The following PCDH19 variants were observed in gnomAD, a reference collection of about 807,000 sequenced individuals.
The protein encoded by PCDH19 is protocadherin 19.
PCDH19 carries 6 observed loss-of-function variants against 46.2 expected under a neutral mutation model. The observed-to-expected ratio is 0.13, with a 90% CI of 0.07 to 0.26. The LOEUF (loss-of-function observed/expected upper bound fraction) is 0.26. Ranked by LOEUF, PCDH19 falls within the 10% of genes least tolerant of loss-of-function variation. The pLI is 1.00. For missense variants in PCDH19, 740 were observed against 972.3 expected, an observed-to-expected ratio of 0.76 and a Z score of 3.18; for synonymous variants, 481 against 415.7, an observed-to-expected ratio of 1.16 and a Z score of -1.91.
chrX:100,338,592 T>C (rs1926168874), intron 5 of PCDH19, among the ~76,000 whole-genome samples: 1 of 109,489 alleles, frequency 9.1e-6, no homozygotes, highest in African/African-American at 3.3e-5. Flanking sequence ...TTCTCCTTCC[T>C]TCATTAAATA....
intron 5 of PCDH19, among the ~76,000 whole-genome samples, chrX:100,333,657 T>C (rs750446012): frequency 8.9e-6 from 1 of 112,383 alleles, no homozygotes; most frequent in African/African-American, 3.2e-5. Context: ...CTTAAAAATA[T>C]GGAAATTCTT....
chrX:100,357,788 G>A (rs1926761008), intron 3 of PCDH19, among the ~76,000 whole-genome samples: 1 of 112,120 alleles, frequency 8.9e-6, no homozygotes, highest in Non-Finnish European at 1.9e-5. Context: ...CATGTGTAGT[G>A]TGTCAGTTCA....
chrX:100,336,801 T>C (rs1392338901), intron 5 of PCDH19, among the ~76,000 whole-genome samples: 4 of 111,537 alleles, frequency 3.6e-5, no homozygotes, highest in African/African-American at 1.3e-4. Context: ...TTATAATCAA[T>C]AATTAAAACC....
At chrX:100,311,549 C>A (rs1436556512) in intron 5 of PCDH19, among the ~76,000 whole-genome samples, 1 of 111,260 alleles carries the variant, frequency 9.0e-6, no homozygotes, top group African/African-American at 3.3e-5. Flanking sequence ...CTTCTAAATT[C>A]CTTAAAGGTT....
At chrX:100,320,032 A>G (rs1925426725) in intron 5 of PCDH19, among the ~76,000 whole-genome samples, 1 of 111,778 alleles carries the variant, frequency 8.9e-6, no homozygotes, top group African/African-American at 3.3e-5. Context: ...AGCCTAAAAG[A>G]AGGAATAAGC....
chrX:100,337,838 TG>T (rs1487702258), intron 5 of PCDH19, among the ~76,000 whole-genome samples: 1 of 112,066 alleles, frequency 8.9e-6, no homozygotes, highest in African/African-American at 3.2e-5. Context: ...TGTTTGAGGT[TG>T]CTGGATATAC....
intron 5 of PCDH19, among the ~76,000 whole-genome samples, chrX:100,338,186 C>T (rs1171215604): frequency 2.8e-5 from 3 of 108,575 alleles, no homozygotes; most frequent in African/African-American, 1.0e-4. Flanking sequence ...ACTAAAAATA[C>T]AAAAAATTAG....
At chrX:100,341,062 A>G (rs1926240139) in intron 5 of PCDH19, among the ~76,000 whole-genome samples, 2 of 112,066 alleles carry the variant, frequency 1.8e-5, no homozygotes, top group South Asian at 7.5e-4. Flanking sequence ...TCAGTAAAAT[A>G]TTGAAAATGA....
chrX:100,308,419 A>T lies in PCDH19; in HGVS notation c.2849-11544T>A, dbSNP rs745343543. ...ATCAAGGACTTAATTCTAAGACCTG[A>T]AACCATAAAAATTCTAAAGGTAACA... On this transcript the variant is annotated intron_variant, in intron 5 of 5. Transcript: ENST00000373034. 1.4e-4 allele frequency among the ~76,000 whole-genome samples: 16 copies of T among 111,980 alleles called. No individual in the cohort carries two copies. In the South Asian group the frequency reaches 5.6e-3, roughly 39 times the overall value.
intron 1 of PCDH19, among the ~76,000 whole-genome samples, chrX:100,404,300 C>T (rs1396811636): frequency 8.9e-6 from 1 of 111,767 alleles, no homozygotes; most frequent in Non-Finnish European, 1.9e-5. Context: ...GGAAGATTTG[C>T]AGTGATGGCA....
chrX:100,373,922 TTC>T (rs1409492827), intron 3 of PCDH19, among the ~76,000 whole-genome samples: 1 of 112,380 alleles, frequency 8.9e-6, no homozygotes, highest in Non-Finnish European at 1.9e-5. Flanking sequence ...ACTATTTAGC[TTC>T]TCTTTTTAAC....
chrX:100,358,900 C>T (rs1012731964), intron 3 of PCDH19, among the ~76,000 whole-genome samples: 2 of 112,140 alleles, frequency 1.8e-5, no homozygotes, highest in African/African-American at 6.5e-5. Flanking sequence ...TAATGGAGAA[C>T]CAAATAGCTC....
chrX:100,337,068 C>G (rs1488469983), intron 5 of PCDH19, among the ~76,000 whole-genome samples: 1 of 111,421 alleles, frequency 9.0e-6, no homozygotes, highest in African/African-American at 3.3e-5. Flanking sequence ...CCTAATCACG[C>G]AACAAACCCA....
rs770917023 is a variant in PCDH19 at position 100,397,507 on chromosome X, C to T, written c.2616+5017G>A. On this transcript the variant is annotated intron_variant, in intron 3 of 5. Coordinates refer to ENST00000373034, the MANE Select transcript of PCDH19 (RefSeq NM_001184880.2). Reference sequence around the variant, plus strand: ...TTGAGACTGAAACCAAAATTTAAATCCCTACGGACCTATGACTGGAATTCT... The same window carrying T: ...TTGAGACTGAAACCAAAATTTAAATTCCTACGGACCTATGACTGGAATTCT... Among the ~76,000 whole-genome samples, 3 of 112,063 alleles carry T rather than the reference C, an allele frequency of 2.7e-5. No homozygotes were observed. In the East Asian group the frequency reaches 8.4e-4, roughly 31 times the overall value.
Position 100,407,632 on chromosome X carries a change from C to T in PCDH19, c.966G>A (p.Gly322=). ...YELDVQAKDL[G]PNSIPAHCKV... is the part of the protein sequence containing the mutation. The stretch of plus-strand genomic sequence containing the variant: ...TGCAGTGTGCCGGGATGGAATTGGG[C>T]CCCAAGTCCTTAGCCTGCACGTCCA... Residue 322 remains glycine (G), a synonymous_variant, in exon 1 of 6, where the codon GGG becomes GGA. Transcript: ENST00000373034. The T allele has an allele frequency of 2.5e-6, 3 of 1,211,972 alleles. No individual in the cohort carries two copies. Among genetic ancestry groups the T allele is most frequent in the Non-Finnish European group, 2.2e-6 (2 of 895,450 alleles).
intron 3 of PCDH19, among the ~76,000 whole-genome samples, chrX:100,365,718 G>A (rs987464723): frequency 2.7e-5 from 3 of 111,209 alleles, no homozygotes; most frequent in Non-Finnish European, 3.8e-5. Flanking sequence ...ACACACAAAC[G>A]TGTGCGTGCA....
intron 4 of PCDH19, among the ~76,000 whole-genome samples, chrX:100,346,733 G>A (rs1926411918): frequency 8.9e-6 from 1 of 112,309 alleles, no homozygotes; most frequent in Admixed American, 9.4e-5. Flanking sequence ...ATGATTTAGG[G>A]AGCCAAAGCT....
At chrX:100,373,476 T>C (rs1046074927) in intron 3 of PCDH19, among the ~76,000 whole-genome samples, 3 of 112,923 alleles carry the variant, frequency 2.7e-5, no homozygotes, top group African/African-American at 9.7e-5. Flanking sequence ...TTCTTTGCAC[T>C]AGAATAAGAA....
intron 3 of PCDH19, among the ~76,000 whole-genome samples, chrX:100,389,975 G>T (rs1460934167): frequency 2.0e-5 from 2 of 100,469 alleles, no homozygotes; most frequent in African/African-American, 6.9e-5. Context: ...TTTAATAAAT[G>T]TGAAATTTAT....
Sources: gnomAD v4.1 joint callset for allele counts (sites outside exome capture counted in the v4.1 genomes callset) on GRCh38, gnomAD v4.1.1 for gene constraint, MANE v1.5 for transcripts, NCBI Gene and HGNC (gene_info 2026-07-23, HGNC 2026-07-21) for gene names.